ZNF90: variants seen among roughly 807,000 people sequenced by gnomAD.
ZNF90 encodes the protein zinc finger protein HTF9.
A neutral mutation model predicts 12.0 loss-of-function variants in ZNF90; 11 were observed. The observed-to-expected ratio is 0.92, with a 90% confidence interval of 0.58 to 1.52. ZNF90 has a LOEUF of 1.52. Among genes scored for constraint, ZNF90 ranks in the 40% most tolerant of loss-of-function variants. ZNF90 has a pLI of 0.00. For missense variants in ZNF90, 765 were observed against 711.5 expected (o/e 1.08, Z -0.86); for synonymous variants, 232 against 240.1 (o/e 0.97, Z 0.31).
At position 20,102,373 on chromosome 19, in the gene ZNF90, G is replaced by C. The variant is rs1425351929; in HGVS notation, c.4-1866G>C. On this transcript the variant is annotated intron_variant, in intron 1 of 3. Transcript: ENST00000418063. ...TGCTGACTATTCATCCCACCACTCT[G>C]GCTCTTACCATTGCTCTCTTTAAAA... Among the ~76,000 whole-genome samples the C allele has an allele frequency of 3.9e-5, 6 of 152,150 alleles. No homozygotes were observed. In the South Asian group the frequency reaches 1.0e-3, roughly 26 times the overall value.
At chr19:20,089,915 A>AT (rs1599641966) in intron 1 of ZNF90, among the ~76,000 whole-genome samples, 2 of 152,136 alleles carry the variant, frequency 1.3e-5, no homozygotes, top group East Asian at 3.9e-4. Context: ...GGTAAGGTTG[A>AT]TACTGTGGTG....
intron 1 of ZNF90, among the ~76,000 whole-genome samples, chr19:20,088,273 C>T (rs56922147): frequency 0.07 from 10,423 of 149,402 alleles, 1,027 homozygotes; most frequent in African/African-American, 0.22. Context: ...ATTGGGGGGG[C>T]GTGGGAACCT....
chr19:20,107,566 G>A (rs1338885935), intron 3 of ZNF90, among the ~76,000 whole-genome samples: 2 of 152,112 alleles, frequency 1.3e-5, no homozygotes, highest in East Asian at 3.9e-4. Context: ...TAACCTTAAT[G>A]TTCCATGTAG....
rs1555704176 is a variant in ZNF90 at position 20,104,358 on chromosome 19, C to G, written c.123C>G (p.Val41=). 1.2e-6 allele frequency: 2 copies of G among 1,613,214 alleles called. No homozygotes were observed. Among genetic ancestry groups the G allele is most frequent in the Admixed American group, 3.3e-5 (2 of 59,882 alleles). Residue 41 remains valine (V), a synonymous_variant, in exon 2 of 4, where the codon GTC becomes GTG. Coordinates refer to ENST00000418063, the MANE Select transcript of ZNF90 (RefSeq NM_007138.2). ...DVMLENYRHL[V]FLGIVVTKPD... ...TGTTAGAGAACTACAGACACCTGGT[C>G]TTCCTTGGTGAGGATAAGTGGAATA...
intron 3 of ZNF90, among the ~76,000 whole-genome samples, chr19:20,109,454 CTT>C (rs1441025694): frequency 2.7e-4 from 41 of 152,074 alleles, no homozygotes; most frequent in African/African-American, 9.4e-4. Context: ...GAGAGAAACA[CTT>C]TTGTGATCTG....
intron 1 of ZNF90, among the ~76,000 whole-genome samples, chr19:20,096,718 T>C (rs1371025864): frequency 1.3e-5 from 2 of 152,186 alleles, no homozygotes; most frequent in African/African-American, 4.8e-5. Flanking sequence ...CTTCAGACCA[T>C]CTGGGCATAT....
At chr19:20,108,674 ATTCTTT>A (rs1555704689) in intron 3 of ZNF90, among the ~76,000 whole-genome samples, 27 of 148,594 alleles carry the variant, frequency 1.8e-4, no homozygotes, top group Non-Finnish European at 5.9e-5. Flanking sequence ...ATGAGTAAAC[ATTCTTT>A]TATTATTGTT....
chr19:20,111,337 A>G (rs1265482126), intron 3 of ZNF90, among the ~76,000 whole-genome samples: 1 of 152,110 alleles, frequency 6.6e-6, no homozygotes, highest in Admixed American at 6.5e-5. Flanking sequence ...ATCTCATTTC[A>G]GCCTTTCAAG....
In ZNF90 at chr19:20,080,210, G is replaced by A. The variant is rs184770169; in HGVS notation, c.3+2075G>A. 2,194 of 566,838 alleles carry A rather than the reference G, an allele frequency of 3.9e-3. 14 individuals carry two copies. Among genetic ancestry groups the A allele is most frequent in the Non-Finnish European group, 3.1e-3 (891 of 284,700 alleles). 35.1% of individuals were successfully genotyped at this position (566,838 alleles called of 1,614,324 possible). On this transcript the variant is annotated intron_variant, in intron 1 of 3. Coordinates refer to ENST00000418063, the MANE Select transcript of ZNF90 (RefSeq NM_007138.2). The stretch of plus-strand genomic sequence containing the variant: ...AGCACATAATGGGACTAGTACCACC[G>A]TCCTGACGGTGTGCTGTTGATGAGC...
chr19:20,078,606 TTAGTACAACG>T (rs1568280425), intron 1 of ZNF90, among the ~76,000 whole-genome samples: 2 of 151,550 alleles, frequency 1.3e-5, no homozygotes, highest in East Asian at 3.9e-4. Flanking sequence ...TAAAGGGTTG[TTAGTACAACG>T]TAGTTCTTCT....
chr19:20,098,266 G>T (rs2088964083), intron 1 of ZNF90, among the ~76,000 whole-genome samples: 1 of 152,294 alleles, frequency 6.6e-6, no homozygotes, highest in East Asian at 1.9e-4. Context: ...TGGGAGTTTG[G>T]ATAAAGAATG....
chr19:20,095,318 C>T (rs2088934682), intron 1 of ZNF90, among the ~76,000 whole-genome samples: 1 of 152,034 alleles, frequency 6.6e-6, no homozygotes, highest in South Asian at 2.1e-4. Flanking sequence ...GTTTTCTGGC[C>T]ATTTAGAGCC....
At chr19:20,117,013 T>TTGTGTGTG (rs371655051) in intron 3 of ZNF90, among the ~76,000 whole-genome samples, 5,396 of 128,336 alleles carry the variant, frequency 0.042, 123 homozygotes, top group African/African-American at 0.071. Flanking sequence ...CAACTTACAT[T>TTGTGTGTG]TGTGTGTGTG....
intron 1 of ZNF90, among the ~76,000 whole-genome samples, chr19:20,090,274 C>A (rs1555702602): frequency 6.6e-6 from 1 of 151,828 alleles, no homozygotes; most frequent in Non-Finnish European, 1.5e-5. Context: ...TTCGTAAAGC[C>A]CTGTTGCAAA....
At chr19:20,117,161 G>A (rs1170446073) in intron 3 of ZNF90, among the ~76,000 whole-genome samples, 1 of 151,570 alleles carries the variant, frequency 6.6e-6, no homozygotes, top group East Asian at 1.9e-4. Flanking sequence ...TCCTGCCTAA[G>A]CCTCCCAAGT....
chr19:20,104,301 C>T lies in ZNF90; in HGVS notation c.66C>T (p.Asp22=). Residue 22 remains aspartate (D), a synonymous_variant, in exon 2 of 4, where the codon GAC becomes GAT. Coordinates refer to ENST00000418063, the MANE Select transcript of ZNF90 (RefSeq NM_007138.2). ...EFSLEEWHCL[D]TAQQNLYRDV... ...CTCTGGAGGAGTGGCATTGCCTGGACACTGCACAGCAGAATTTATATAGGG... is the reference window on the plus strand; with the variant it reads ...CTCTGGAGGAGTGGCATTGCCTGGATACTGCACAGCAGAATTTATATAGGG... 1 of 1,614,044 alleles carries T rather than the reference C, an allele frequency of 6.2e-7. No individual in the cohort carries two copies. Among genetic ancestry groups the T allele is most frequent in the Non-Finnish European group, 8.5e-7 (1 of 1,179,958 alleles).
rs782331319 is a variant in ZNF90, at chr19:20,119,161, C to G, written c.1607C>G (p.Pro536Arg). 36 of 1,612,796 alleles carry G rather than the reference C, an allele frequency of 2.2e-5. No homozygotes were observed. The highest frequency in any genetic ancestry group is 3.1e-5 in the Non-Finnish European group (36 of 1,179,360). Residue 536 changes from proline to arginine, a missense_variant, in exon 4 of 4, where the codon CCC becomes CGC. Pro to Arg is a moderately radical substitution (Grantham distance 103). Transcript: ENST00000418063. The stretch of plus-strand genomic sequence containing the variant: ...AAGATAATTCATACTGGAGCGAAAC[C>G]CTACAAATGTGAAGAATGTGGCAAA... ...KHKIIHTGAK[P>R]YKCEECGKAF... is the part of the protein sequence containing the mutation.
intron 1 of ZNF90, among the ~76,000 whole-genome samples, chr19:20,082,912 C>T (rs1555701686): frequency 6.6e-6 from 1 of 152,072 alleles, no homozygotes; most frequent in Admixed American, 6.5e-5. Flanking sequence ...GGAGAAAACC[C>T]CCTTAACGCT....
intron 3 of ZNF90, among the ~76,000 whole-genome samples, chr19:20,110,543 G>T (rs2089079828): frequency 6.6e-6 from 1 of 152,084 alleles, no homozygotes; most frequent in Non-Finnish European, 1.5e-5. Context: ...AGATTTACAG[G>T]CTTGAACCAC....
Sources: gnomAD v4.1 joint callset for allele counts (sites outside exome capture counted in the v4.1 genomes callset) on GRCh38, gnomAD v4.1.1 for gene constraint, MANE v1.5 for transcripts, NCBI Gene and HGNC (gene_info 2026-07-23, HGNC 2026-07-21) for gene names.